The following SEPTIN8 variants were observed in gnomAD, a reference collection of about 807,000 sequenced individuals.
The protein encoded by SEPTIN8 is septin 8, also known as septin-8.
A neutral mutation model predicts 53.1 loss-of-function variants in SEPTIN8; 22 were observed. The observed-to-expected ratio is 0.41, with a 90% CI of 0.30 to 0.59. The LOEUF is 0.59. SEPTIN8 is among the 20% of genes least tolerant of loss of function. SEPTIN8 has a pLI of 0.24. For synonymous variants in SEPTIN8, 228 were observed against 248.4 expected, an observed-to-expected ratio of 0.92 and a Z score of 0.77; for missense variants, 536 against 638.7, an observed-to-expected ratio of 0.84 and a Z score of 1.73.
Position 132,760,388 on chromosome 5 carries a change from A to G in SEPTIN8, c.1286+414T>C, listed in dbSNP as rs1755779136. ...AGAGCCCTGCAGCTTCGCCCTCTCC[A>G]CGCTGCTCCTCACCCGTGCAGCCCC... On this transcript the variant is annotated intron_variant, in intron 9 of 9. Transcript: ENST00000378719. This position sits in a 1 kb window ranked among gnomAD's most constrained non-coding sequence, Gnocchi z 5.2. Among the ~76,000 whole-genome samples the G allele has an allele frequency of 6.6e-6, 1 of 152,026 alleles. No homozygotes were observed. Among genetic ancestry groups the G allele is most frequent in the Admixed American group, 6.6e-5 (1 of 15,266 alleles).
rs1757797579 is a variant in SEPTIN8 at position 132,776,416 on chromosome 5, C to T, written c.30+692G>A. ...CCCCTGCAGGGACCACCAGGGACAT[C>T]AACCTTCTGAGGACCTGGACTGGAG... On this transcript the variant is annotated intron_variant, in intron 1 of 9. Coordinates refer to ENST00000378719, the MANE Select transcript of SEPTIN8 (RefSeq NM_001098811.2). The surrounding 1 kb of genome is among the most constrained non-coding windows in gnomAD (Gnocchi z 4.4). Among the ~76,000 whole-genome samples, 1 of 152,212 alleles carries T rather than the reference C, an allele frequency of 6.6e-6. No individual in the cohort carries two copies. Among genetic ancestry groups the T allele is most frequent in the South Asian group, 2.1e-4 (1 of 4,830 alleles).
chr5:132,757,264 T>G (rs1345533482), intron 9 of SEPTIN8: 1 of 985,318 alleles, frequency 1.0e-6, no homozygotes, highest in Non-Finnish European at 1.2e-6. Context: ...CATAAAAAGT[T>G]GAATTGTCAC....
At position 132,777,193 on chromosome 5, in the gene SEPTIN8, ACCAGCCGGCTGCGGGACGCGCTCCGC is replaced by A. The variant is rs1757890042; in HGVS notation, c.-82_-57del. 1.2e-5 allele frequency: 14 copies of A among 1,162,298 alleles called. No homozygotes were observed. The highest frequency in any genetic ancestry group is 8.4e-5 in the South Asian group (2 of 23,688). 72.0% of individuals were successfully genotyped at this position (1,162,298 alleles called of 1,614,324 possible). A position where few individuals can be genotyped will look rare whatever the true frequency, so the allele number is the denominator to read the frequency against. ...GACGAGCGCAGGGGCAGCGACAGGG[ACCAGCCGGCTGCGGGACGCGCTCCGC>A]CCGGGCGGCTGCGGCTGAATGGATC... is the stretch of plus-strand genomic sequence containing the variant. On this transcript the variant is annotated 5_prime_UTR_variant, in exon 1 of 10. Coordinates refer to ENST00000378719, the MANE Select transcript of SEPTIN8 (RefSeq NM_001098811.2). This position sits in a 1 kb window ranked among gnomAD's most constrained non-coding sequence, Gnocchi z 4.1.
At chr5:132,768,319 C>T (rs1000677011) in intron 1 of SEPTIN8, among the ~76,000 whole-genome samples, 1 of 151,794 alleles carries the variant, frequency 6.6e-6, no homozygotes, top group African/African-American at 2.4e-5. Flanking sequence ...AGCATGCATG[C>T]ACACACACAC....
In SEPTIN8 at chr5:132,773,016, T is replaced by C. The variant is rs1255428436; in HGVS notation, c.30+4092A>G. On this transcript the variant is annotated intron_variant, in intron 1 of 9. Transcript: ENST00000378719. The surrounding 1 kb of genome is among the most constrained non-coding windows in gnomAD (Gnocchi z 4.2). ...GTGTATCCTGAGGAGAATATCTAAT[T>C]TGCCCCAAGAACATGTAGGGCAACT... Among the ~76,000 whole-genome samples, 2 of 152,146 alleles carry C rather than the reference T, an allele frequency of 1.3e-5. No homozygotes were observed. Among genetic ancestry groups the C allele is most frequent in the Admixed American group, 6.5e-5 (1 of 15,270 alleles).
Position 132,751,094 on chromosome 5 carries a change from C to T in SEPTIN8, c.*922G>A, listed in dbSNP as rs1024393108. On this transcript the variant is annotated 3_prime_UTR_variant, in exon 10 of 10. Coordinates refer to ENST00000378719, the MANE Select transcript of SEPTIN8 (RefSeq NM_001098811.2). ...GGATGGCAAAGCACAGGCGTGCACACGCCCTTGCACATGCACCACAGTGAG... is the reference window on the plus strand; with the variant it reads ...GGATGGCAAAGCACAGGCGTGCACATGCCCTTGCACATGCACCACAGTGAG... 76 of 1,384,380 alleles carry T rather than the reference C, an allele frequency of 5.5e-5. 1 individual carries two copies. The highest frequency in any genetic ancestry group is 5.3e-4 in the South Asian group (39 of 73,924). The allele number at this position is 1,384,380 out of a possible 1,614,324, so 85.8% of individuals were successfully genotyped here. A position where few individuals can be genotyped will look rare whatever the true frequency, so the allele number is the denominator to read the frequency against.
intron 9 of SEPTIN8, chr5:132,758,433 G>A (rs1755546016): frequency 7.0e-6 from 11 of 1,577,688 alleles, no homozygotes; most frequent in Admixed American, 5.5e-5. Context: ...AGGGCACCAC[G>A]TGAGTTGCCA....
intron 2 of SEPTIN8, 57 bp from the exon 3 acceptor site, chr5:132,764,476 T>C: frequency 1.4e-6 from 2 of 1,457,690 alleles, no homozygotes; most frequent in Non-Finnish European, 1.9e-6. Flanking sequence ...AAATGGGCTG[T>C]CCTTGACTGG....
chr5:132,777,811 G>T, upstream of SEPTIN8: 2 of 985,478 alleles, frequency 2.0e-6, no homozygotes, highest in Non-Finnish European at 2.4e-6. This position sits in a 1 kb window ranked among gnomAD's most constrained non-coding sequence, Gnocchi z 4.1. Flanking sequence ...CGCGCGTCCG[G>T]CCAGGCGGCC....
At chr5:132,753,052 A>T in intron 9 of SEPTIN8, 2 of 1,122,032 alleles carry the variant, frequency 1.8e-6, no homozygotes, top group Non-Finnish European at 2.7e-6. Context: ...TTGGCTTGTT[A>T]TGAATCCTGT....
chr5:132,769,822 C>T (rs1266732734), intron 1 of SEPTIN8, among the ~76,000 whole-genome samples: 1 of 150,864 alleles, frequency 6.6e-6, no homozygotes, highest in Non-Finnish European at 1.5e-5. Flanking sequence ...TGGGGGTTCC[C>T]GGGGAGAGGT....
At position 132,777,205 on chromosome 5, in the gene SEPTIN8, C is replaced by T. The variant is rs1757892106; in HGVS notation, c.-68G>A. On this transcript the variant is annotated 5_prime_UTR_variant, in exon 1 of 10. Transcript: ENST00000378719. This position sits in a 1 kb window ranked among gnomAD's most constrained non-coding sequence, Gnocchi z 4.1. Reference sequence around the variant, plus strand: ...GGCAGCGACAGGGACCAGCCGGCTGCGGGACGCGCTCCGCCCGGGCGGCTG... The same window carrying T: ...GGCAGCGACAGGGACCAGCCGGCTGTGGGACGCGCTCCGCCCGGGCGGCTG... The T allele has an allele frequency of 2.6e-6, 3 of 1,158,846 alleles. No individual in the cohort carries two copies. The highest frequency in any genetic ancestry group is 4.2e-5 in the South Asian group (1 of 23,614). 71.8% of individuals were successfully genotyped at this position (1,158,846 alleles called of 1,614,324 possible).
chr5:132,772,407 T>C (rs1165930593), intron 1 of SEPTIN8, among the ~76,000 whole-genome samples: 1 of 152,142 alleles, frequency 6.6e-6, no homozygotes, highest in Non-Finnish European at 1.5e-5. Flanking sequence ...GAGTGGTCTA[T>C]CCCACCACAG....
intron 2 of SEPTIN8, among the ~76,000 whole-genome samples, chr5:132,764,643 G>A (rs1398986983): frequency 6.6e-6 from 1 of 152,210 alleles, no homozygotes; most frequent in African/African-American, 2.4e-5. Context: ...AGGTGAACTT[G>A]GACAGAAGAC....
In SEPTIN8 at chr5:132,770,010, T is replaced by TAC. The variant is rs1337994862; in HGVS notation, c.31-4482_31-4481insGT. Among the ~76,000 whole-genome samples the TAC allele has an allele frequency of 1.0e-4, 6 of 57,496 alleles. No individual in the cohort carries two copies. The East Asian group carries it at 2.5e-3, about 24-fold the overall frequency. The allele number at this position is 57,496 out of a possible 152,430, so 37.7% of individuals were successfully genotyped here. A position where few individuals can be genotyped will look rare whatever the true frequency, so the allele number is the denominator to read the frequency against. ...ATATATATATATATATATATATATA[T>TAC]ATATATATATATACACACACATATA... On this transcript the variant is annotated intron_variant, in intron 1 of 9. Transcript: ENST00000378719.
At position 132,761,881 on chromosome 5, in the gene SEPTIN8, C is replaced by A; in HGVS notation, c.712G>T (p.Ala238Ser). The A allele has an allele frequency of 3.1e-6, 5 of 1,595,946 alleles. No individual in the cohort carries two copies. Among genetic ancestry groups the A allele is most frequent in the Non-Finnish European group, 4.3e-6 (5 of 1,171,110 alleles). The change falls in exon 6 of 10, where the codon GCC becomes TCC. Residue 238 changes from alanine (A) to serine (S), a missense_variant. Physicochemically the swap from Ala to Ser is moderately conservative, Grantham distance 99 (BLOSUM62 1). Transcript: ENST00000378719. The surrounding 1 kb of genome is among the most constrained non-coding windows in gnomAD (Gnocchi z 5.8). Reference protein sequence around the residue: ...NAVMNAHLPFAVVGSTEEVKV... With the variant: ...NAVMNAHLPFSVVGSTEEVKV... ...ACCTCCTCGGTGCTGCCCACCACGGCAAAGGGCAGATGTGCCTGGAAAGGG... is the reference window on the plus strand; with the variant it reads ...ACCTCCTCGGTGCTGCCCACCACGGAAAAGGGCAGATGTGCCTGGAAAGGG...
chr5:132,757,490 G>T (rs1478726696), intron 9 of SEPTIN8: 1 of 985,348 alleles, frequency 1.0e-6, no homozygotes, highest in Non-Finnish European at 1.2e-6. Flanking sequence ...GAAGACAGGG[G>T]CATGAAAAGC....
chr5:132,759,045 A>G (rs1188144957), intron 9 of SEPTIN8: 2 of 693,998 alleles, frequency 2.9e-6, no homozygotes, highest in African/African-American at 1.8e-5. Flanking sequence ...TTTGGATTCA[A>G]ATTTAAAGAG....
At chr5:132,756,619 A>C in intron 9 of SEPTIN8, 1 of 985,494 alleles carries the variant, frequency 1.0e-6, no homozygotes, top group Non-Finnish European at 1.2e-6. Context: ...GCTAAAGAAG[A>C]CAAAATTCCA....
Sources: allele counts gnomAD v4.1 joint callset (sites outside exome capture counted in the v4.1 genomes callset), GRCh38; gene constraint gnomAD v4.1.1; non-coding constraint Gnocchi (gnomAD v3.1); transcripts MANE v1.5; gene names NCBI Gene and HGNC (gene_info 2026-07-23, HGNC 2026-07-21).